Variants in STAG2 observed in about 807,000 individuals in gnomAD.
The protein encoded by STAG2 is STAG2 cohesin complex component.
Under a neutral mutation model 108.1 loss-of-function variants are expected in STAG2, and 14 were observed. The ratio of observed to expected loss-of-function variants is 0.13; its 90% CI spans 0.09 to 0.20. The LOEUF (loss-of-function observed/expected upper bound fraction) is 0.20. STAG2 is among the 10% of genes least tolerant of loss of function. The pLI, the probability that STAG2 is intolerant of heterozygous loss-of-function variation, is 1.00. For synonymous variants in STAG2, 307 were observed against 302.7 expected, an observed-to-expected ratio of 1.01 and a Z score of -0.15; for missense variants, 440 against 940.9, an observed-to-expected ratio of 0.47 and a Z score of 6.96.
In STAG2 at chrX:124,049,145, C is replaced by T. The variant is rs1484866576; in HGVS notation, c.893+67C>T. The T allele has an allele frequency of 2.2e-5, 19 of 874,643 alleles. No homozygotes were observed. In the Admixed American group the frequency reaches 3.3e-4, roughly 15 times the overall value. 72.1% of individuals were successfully genotyped at this position (874,643 alleles called of 1,213,427 possible). ...TTCTACTCAGCAAGTTTGCATATTT[C>T]GTGGTGTAGGGAATCTAAATTAGCA... On this transcript the variant is annotated intron_variant, in intron 10 of 34. Transcript: ENST00000371145.
intron 23 of STAG2, 33 bp downstream of exon 23, chrX:124,066,469 CT>C (rs2058532777): frequency 9.9e-7 from 1 of 1,012,250 alleles, no homozygotes; most frequent in African/African-American, 1.9e-5. Flanking sequence ...TTTTATTAGA[CT>C]AAATATCATT....
intron 4 of STAG2, among the ~76,000 whole-genome samples, chrX:124,027,282 A>G (rs1465767884): frequency 8.9e-6 from 1 of 111,768 alleles, no homozygotes; most frequent in Non-Finnish European, 1.9e-5. Flanking sequence ...TAATTTATTT[A>G]ACTAATGCTT....
chrX:123,972,276 AT>A (rs531396580), intron 1 of STAG2, among the ~76,000 whole-genome samples: 9,812 of 91,709 alleles, frequency 0.11, 471 homozygotes, highest in Non-Finnish European at 0.15. Context: ...TGTAACTATC[AT>A]TTTTTTTTTT....
chrX:123,990,022 T>C (rs949315134), intron 1 of STAG2, among the ~76,000 whole-genome samples: 1 of 111,922 alleles, frequency 8.9e-6, no homozygotes, highest in African/African-American at 3.3e-5. Context: ...GTTGTCCAGG[T>C]TCTTGGCATT....
At chrX:124,098,595 C>T (rs1449836532) in intron 34 of STAG2, among the ~76,000 whole-genome samples, 1 of 111,490 alleles carries the variant, frequency 9.0e-6, no homozygotes, top group Non-Finnish European at 1.9e-5. Flanking sequence ...TTCTGAGATT[C>T]TCCAATTCTA....
intron 1 of STAG2, among the ~76,000 whole-genome samples, chrX:123,979,755 C>G (rs1312038502): frequency 3.6e-5 from 4 of 111,169 alleles, no homozygotes; most frequent in Non-Finnish European, 5.7e-5. Flanking sequence ...AACTTGCAAC[C>G]CCTCATTTTG....
At chrX:124,088,845 C>T (rs2059177687) in intron 30 of STAG2, among the ~76,000 whole-genome samples, 1 of 107,419 alleles carries the variant, frequency 9.3e-6, no homozygotes, top group Non-Finnish European at 1.9e-5. Context: ...AACTCCCAAC[C>T]TCAGGTGATC....
Position 124,025,823 on chromosome X carries a change from TTATC to T in STAG2, c.45-15_45-12del. ...AATTTCTAAGGAAGGGTTTTAATTC[TTATC>T]TTTCTGTCACAGGGAGTCAGAAACA... On this transcript the variant is annotated splice_polypyrimidine_tract_variant and intron_variant, in intron 3 of 34. Coordinates refer to ENST00000371145, the MANE Select transcript of STAG2 (RefSeq NM_001042750.2). 8.9e-7 allele frequency: 1 copy of T among 1,121,283 alleles called. No homozygotes were observed. The highest frequency in any genetic ancestry group is 1.2e-6 in the Non-Finnish European group (1 of 833,932). 92.4% of individuals were successfully genotyped at this position (1,121,283 alleles called of 1,213,427 possible).
At chrX:123,991,108 A>G (rs1033613154) in intron 1 of STAG2, among the ~76,000 whole-genome samples, 13 of 111,717 alleles carry the variant, frequency 1.2e-4, no homozygotes, top group Non-Finnish European at 9.4e-5. Flanking sequence ...CTGGGGGGAG[A>G]GAGTATGTTT....
intron 1 of STAG2, among the ~76,000 whole-genome samples, chrX:124,009,476 T>TA (rs759783135): frequency 2.7e-5 from 3 of 110,181 alleles, no homozygotes; most frequent in African/African-American, 6.6e-5. Flanking sequence ...GATAGATAGA[T>TA]ATCTCTTCTT....
chrX:123,965,103 C>T (rs1353099376), intron 1 of STAG2, among the ~76,000 whole-genome samples: 2 of 111,083 alleles, frequency 1.8e-5, no homozygotes, highest in Non-Finnish European at 1.9e-5. Flanking sequence ...CAAAATTTCA[C>T]CCCAATCTGG....
intron 4 of STAG2, among the ~76,000 whole-genome samples, chrX:124,029,789 G>C (rs191095822): frequency 1.6e-3 from 181 of 111,569 alleles, no homozygotes; most frequent in African/African-American, 5.7e-3. Flanking sequence ...TCAAATCCAG[G>C]GGTCGGAATA....
chrX:124,030,924 A>T, intron 4 of STAG2, 37 bp from the exon 5 acceptor site: 1 of 1,159,160 alleles, frequency 8.6e-7, no homozygotes. Flanking sequence ...TCTCAAGGAT[A>T]GTGATATAAC....
intron 5 of STAG2, among the ~76,000 whole-genome samples, chrX:124,034,875 GTTGTTATTATTATTA>G (rs1452821956): frequency 2.1e-4 from 21 of 99,882 alleles, no homozygotes; most frequent in Non-Finnish European, 3.9e-4. Context: ...TGTTGTTGTT[GTTGTTATTATTATTA>G]TTATTATTAT....
chrX:124,033,432 T>G (rs747103809), intron 5 of STAG2, among the ~76,000 whole-genome samples: 15 of 112,051 alleles, frequency 1.3e-4, no homozygotes, highest in Non-Finnish European at 2.3e-4. Flanking sequence ...CTGCTATCTT[T>G]TTAACATCAG....
intron 34 of STAG2, chrX:124,097,649 G>A (rs1369726516): frequency 3.0e-6 from 1 of 328,001 alleles, no homozygotes; most frequent in South Asian, 2.7e-5. Flanking sequence ...ACTGTGCTAG[G>A]TATGATTTAT....
intron 1 of STAG2, among the ~76,000 whole-genome samples, chrX:123,967,452 A>G (rs761617676): frequency 5.6e-5 from 6 of 107,602 alleles, no homozygotes; most frequent in Non-Finnish European, 7.7e-5. Flanking sequence ...TTTAGTAGAG[A>G]CGGGGTTTTT....
At chrX:124,066,011 G>A (rs2148338537) in intron 21 of STAG2, 65 bp downstream of exon 21, 2 of 1,026,763 alleles carry the variant, frequency 1.9e-6, no homozygotes, top group Non-Finnish European at 2.6e-6. Context: ...TGTTTTGTGG[G>A]TTATGTTAAT....
At chrX:124,033,487 C>T (rs1025902093) in intron 5 of STAG2, among the ~76,000 whole-genome samples, 5 of 112,059 alleles carry the variant, frequency 4.5e-5, no homozygotes, top group Non-Finnish European at 7.5e-5. Flanking sequence ...TAACATAGGC[C>T]AGGTGTAGCA....
Sources: allele counts gnomAD v4.1 joint callset (sites outside exome capture counted in the v4.1 genomes callset), GRCh38; gene constraint gnomAD v4.1.1; transcripts MANE v1.5; gene names NCBI Gene and HGNC (gene_info 2026-07-23, HGNC 2026-07-21).